The following GRM8 variants were observed in gnomAD, a reference collection of about 807,000 sequenced individuals.
The protein encoded by GRM8 is glutamate metabotropic receptor 8.
GRM8 carries 47 observed loss-of-function variants against 87.2 expected under a neutral mutation model. The observed-to-expected ratio is 0.54, with a 90% CI of 0.43 to 0.69. The LOEUF (loss-of-function observed/expected upper bound fraction) is 0.69. Among genes scored for constraint, GRM8 ranks in the 30% least tolerant of loss-of-function variants. The pLI is 0.00. For missense variants in GRM8, 1,019 were observed against 1,139.2 expected (o/e 0.89, Z 1.52); for synonymous variants, 396 against 404.5 (o/e 0.98, Z 0.25).
At chr7:127,155,274 G>A (rs925054455) in intron 2 of GRM8, among the ~76,000 whole-genome samples, 1 of 152,136 alleles carries the variant, frequency 6.6e-6, no homozygotes, top group African/African-American at 2.4e-5. Context: ...GATACATCCA[G>A]TTGGTCTGAT....
intron 6 of GRM8, among the ~76,000 whole-genome samples, chr7:126,846,735 G>C (rs1238647501): frequency 1.3e-5 from 2 of 151,986 alleles, no homozygotes; most frequent in African/African-American, 4.8e-5. Context: ...AGAAGGAAGA[G>C]AGAAGGAAGA....
chr7:126,868,551 G>A (rs761294129), intron 6 of GRM8, among the ~76,000 whole-genome samples: 1 of 152,202 alleles, frequency 6.6e-6, no homozygotes, highest in Non-Finnish European at 1.5e-5. Flanking sequence ...AGATTAAGTA[G>A]ACATTAATAG....
At chr7:127,000,300 A>G (rs1397659541) in intron 3 of GRM8, among the ~76,000 whole-genome samples, 1 of 151,670 alleles carries the variant, frequency 6.6e-6, no homozygotes, top group Non-Finnish European at 1.5e-5. Flanking sequence ...TGAAAAAAAT[A>G]ATTAGAAACA....
At chr7:127,069,450 C>T (rs1174624519) in intron 3 of GRM8, among the ~76,000 whole-genome samples, 1 of 152,124 alleles carries the variant, frequency 6.6e-6, no homozygotes, top group African/African-American at 2.4e-5. Context: ...AGGCATAAGC[C>T]ACTGTGCCTG....
chr7:126,821,283 T>C (rs903447963), intron 6 of GRM8, among the ~76,000 whole-genome samples: 1 of 152,206 alleles, frequency 6.6e-6, no homozygotes, highest in Non-Finnish European at 1.5e-5. Context: ...GCACCCATCC[T>C]TCAAGCATTT....
intron 3 of GRM8, among the ~76,000 whole-genome samples, chr7:127,040,039 TGAG>T (rs1818265594): frequency 9.5e-5 from 1 of 10,516 alleles, no homozygotes; most frequent in African/African-American, 4.0e-4. Context: ...GAGGGGAGGG[TGAG>T]GAGGGTGGGG....
intron 7 of GRM8, among the ~76,000 whole-genome samples, chr7:126,629,677 C>T (rs576488492): frequency 6.6e-6 from 1 of 152,130 alleles, no homozygotes; most frequent in African/African-American, 2.4e-5. Context: ...AAAAAGATAG[C>T]AGATAATTTA....
intron 6 of GRM8, among the ~76,000 whole-genome samples, chr7:126,879,960 A>T (rs1163292722): frequency 1.3e-5 from 2 of 152,194 alleles, no homozygotes; most frequent in Non-Finnish European, 2.9e-5. Flanking sequence ...TTTAACAGAA[A>T]AACTGAAAAG....
chr7:126,737,905 A>G (rs1814422968), intron 7 of GRM8, among the ~76,000 whole-genome samples: 1 of 152,104 alleles, frequency 6.6e-6, no homozygotes, highest in Non-Finnish European at 1.5e-5. Flanking sequence ...CATCGAAATC[A>G]GACTAACACT....
chr7:126,800,606 A>G (rs1480282659), intron 6 of GRM8, among the ~76,000 whole-genome samples: 1 of 152,138 alleles, frequency 6.6e-6, no homozygotes, highest in Non-Finnish European at 1.5e-5. Flanking sequence ...GAGGGCATGA[A>G]GTTTCAAAGA....
chr7:127,031,261 T>C (rs1385517136), intron 3 of GRM8, among the ~76,000 whole-genome samples: 1 of 152,176 alleles, frequency 6.6e-6, no homozygotes, highest in African/African-American at 2.4e-5. Context: ...CTTTTGTTTT[T>C]TTCCCCTTGT....
intron 3 of GRM8, among the ~76,000 whole-genome samples, chr7:126,954,157 T>C (rs1356234302): frequency 6.6e-6 from 1 of 152,124 alleles, no homozygotes; most frequent in Non-Finnish European, 1.5e-5. Flanking sequence ...ACTTTCCAGA[T>C]AACAATTCAG....
intron 6 of GRM8, among the ~76,000 whole-genome samples, chr7:126,895,511 T>C (rs2131135750): frequency 6.6e-6 from 1 of 152,248 alleles, no homozygotes; most frequent in East Asian, 1.9e-4. Context: ...GTGTGCATGC[T>C]AACATTCTAG....
chr7:126,481,562 C>T (rs943800701), intron 9 of GRM8, among the ~76,000 whole-genome samples: 1 of 151,884 alleles, frequency 6.6e-6, no homozygotes, highest in Admixed American at 6.6e-5. Flanking sequence ...ACAGTATATA[C>T]ATTCAATCTA....
At chr7:126,652,487 C>T (rs1804014637) in intron 7 of GRM8, among the ~76,000 whole-genome samples, 1 of 152,154 alleles carries the variant, frequency 6.6e-6, no homozygotes, top group Non-Finnish European at 1.5e-5. Flanking sequence ...CTGGGAAAGG[C>T]AGACCTACCT....
chr7:127,223,026 G>A (rs1351597554), intron 2 of GRM8, among the ~76,000 whole-genome samples: 1 of 152,152 alleles, frequency 6.6e-6, no homozygotes. Context: ...AAGAGCATCT[G>A]GTGTAGACAA....
chr7:127,120,225 C>T (rs973963754), intron 2 of GRM8, among the ~76,000 whole-genome samples: 2 of 152,184 alleles, frequency 1.3e-5, no homozygotes, highest in African/African-American at 4.8e-5. Context: ...TTTAGCCCTC[C>T]CTTTTTTATA....
intron 3 of GRM8, among the ~76,000 whole-genome samples, chr7:126,978,862 A>G (rs184514242): frequency 1.3e-5 from 2 of 152,206 alleles, no homozygotes; most frequent in Admixed American, 1.3e-4. Flanking sequence ...AGACTCCCCT[A>G]TTTTCTTGCT....
chr7:126,469,342 A>G (rs1158526779), intron 9 of GRM8, among the ~76,000 whole-genome samples: 1 of 152,130 alleles, frequency 6.6e-6, no homozygotes, highest in African/African-American at 2.4e-5. Context: ...ACCTACTCCA[A>G]TTAGGCTTTC....
Sources: gnomAD v4.1 joint callset for allele counts (sites outside exome capture counted in the v4.1 genomes callset) on GRCh38, gnomAD v4.1.1 for gene constraint, MANE v1.5 for transcripts, NCBI Gene and HGNC (gene_info 2026-07-23, HGNC 2026-07-21) for gene names.